The following LDLRAD3 variants were observed in gnomAD, a reference collection of about 807,000 sequenced individuals.
LDLRAD3 encodes low density lipoprotein receptor class A domain containing 3, also known as low-density lipoprotein receptor class A domain-containing protein 3.
In LDLRAD3, 20 loss-of-function variants were observed where a neutral mutation model predicts 29.4. The ratio of observed to expected loss-of-function variants is 0.68; its 90% CI spans 0.48 to 0.99. The LOEUF (loss-of-function observed/expected upper bound fraction) is 0.99, where lower values mean the gene tolerates loss of function less well. Ranked by LOEUF, LDLRAD3 falls within the 50% of genes least tolerant of loss-of-function variation. LDLRAD3 has a pLI of 0.00. For synonymous variants in LDLRAD3, 157 were observed against 192.7 expected (o/e 0.81, Z 1.53); for missense variants, 420 against 454.3 (o/e 0.92, Z 0.69).
At chr11:35,974,944 A>G (rs1186007690) in intron 1 of LDLRAD3, among the ~76,000 whole-genome samples, 26 of 152,116 alleles carry the variant, frequency 1.7e-4, no homozygotes, top group Non-Finnish European at 8.8e-5. Context: ...TGCTTCTGTG[A>G]CCCCACCAAC....
chr11:36,219,085 G>T (rs1238088468), intron 4 of LDLRAD3, among the ~76,000 whole-genome samples: 1 of 152,224 alleles, frequency 6.6e-6, no homozygotes, highest in Non-Finnish European at 1.5e-5. Context: ...AATAAAGTTT[G>T]TCTGGGACAC....
At chr11:36,021,918 G>A (rs1852101221) in intron 1 of LDLRAD3, among the ~76,000 whole-genome samples, 1 of 152,080 alleles carries the variant, frequency 6.6e-6, no homozygotes, top group South Asian at 2.1e-4. Flanking sequence ...TGCAAGTGCT[G>A]AGATTACAGG....
chr11:36,149,932 C>T (rs1055766467), intron 4 of LDLRAD3, among the ~76,000 whole-genome samples: 1 of 152,196 alleles, frequency 6.6e-6, no homozygotes, highest in African/African-American at 2.4e-5. Flanking sequence ...GGCTAAAGCC[C>T]TGGGTCTCTC....
At chr11:35,953,574 G>A (rs527820196) in intron 1 of LDLRAD3, among the ~76,000 whole-genome samples, 1 of 152,298 alleles carries the variant, frequency 6.6e-6, no homozygotes, top group African/African-American at 2.4e-5. Flanking sequence ...CCTTGAATCA[G>A]AGCAGTGTTC....
At position 36,161,371 on chromosome 11, in the gene LDLRAD3, C is replaced by T. The variant is rs562228943; in HGVS notation, c.454+62910C>T. On this transcript the variant is annotated intron_variant, in intron 4 of 5. Transcript: ENST00000315571. Reference sequence around the variant, plus strand: ...GATTTTGTTCCAAGTAGAAATCAGGCTCTGGCAACTGCTTCCTGCTAGCAG... The same window carrying T: ...GATTTTGTTCCAAGTAGAAATCAGGTTCTGGCAACTGCTTCCTGCTAGCAG... 7.9e-5 allele frequency among the ~76,000 whole-genome samples: 12 copies of T among 152,280 alleles called. 1 individual carries two copies. The South Asian group carries it at 2.5e-3, about 32-fold the overall frequency.
At chr11:36,179,201 T>C (rs1854720930) in intron 4 of LDLRAD3, among the ~76,000 whole-genome samples, 2 of 152,162 alleles carry the variant, frequency 1.3e-5, no homozygotes, top group Admixed American at 6.5e-5. Context: ...AGGCCAGGTA[T>C]GGTGGCTCAT....
chr11:36,092,334 G>T (rs1336771967), intron 3 of LDLRAD3, among the ~76,000 whole-genome samples: 6 of 151,950 alleles, frequency 3.9e-5, no homozygotes, highest in Non-Finnish European at 8.8e-5. Flanking sequence ...GCATATATAT[G>T]GGGTACAGGA....
intron 4 of LDLRAD3, among the ~76,000 whole-genome samples, chr11:36,192,780 C>A (rs922458303): frequency 6.6e-6 from 1 of 152,130 alleles, no homozygotes; most frequent in Admixed American, 6.5e-5. Flanking sequence ...GATGGAGACT[C>A]CTTTCCTGAG....
At chr11:36,033,688 G>C (rs959731712) in intron 1 of LDLRAD3, among the ~76,000 whole-genome samples, 1 of 152,168 alleles carries the variant, frequency 6.6e-6, no homozygotes, top group Non-Finnish European at 1.5e-5. Flanking sequence ...GCTGGAATGT[G>C]GGGGTTTTCT....
intron 4 of LDLRAD3, among the ~76,000 whole-genome samples, chr11:36,142,606 G>T (rs546628116): frequency 2.0e-5 from 3 of 152,118 alleles, no homozygotes; most frequent in African/African-American, 4.8e-5. Flanking sequence ...CCTGCACTTA[G>T]TCTTAAGCAC....
At chr11:36,215,378 G>A (rs542926322) in intron 4 of LDLRAD3, among the ~76,000 whole-genome samples, 1 of 152,310 alleles carries the variant, frequency 6.6e-6, no homozygotes, top group East Asian at 1.9e-4. Context: ...TTTAGAAGGA[G>A]CACCCTGCAG....
At chr11:36,198,077 T>A (rs34876322) in intron 4 of LDLRAD3, among the ~76,000 whole-genome samples, 43,542 of 151,744 alleles carry the variant, frequency 0.29, 6,328 homozygotes, top group African/African-American at 0.34. Flanking sequence ...AACAGAAGAT[T>A]GTAGTAAATG....
intron 4 of LDLRAD3, among the ~76,000 whole-genome samples, chr11:36,115,943 C>A (rs1006047216): frequency 3.9e-5 from 6 of 152,174 alleles, no homozygotes; most frequent in Admixed American, 6.5e-5. Context: ...TGTATATTAA[C>A]ATATTCATGA....
At chr11:36,053,247 T>C (rs888506423) in intron 2 of LDLRAD3, among the ~76,000 whole-genome samples, 24 of 152,172 alleles carry the variant, frequency 1.6e-4, no homozygotes, top group African/African-American at 4.8e-4. Context: ...TTTTTTTCTT[T>C]CTTTTTTTAA....
At chr11:36,007,209 A>C (rs555059760) in intron 1 of LDLRAD3, among the ~76,000 whole-genome samples, 2 of 152,360 alleles carry the variant, frequency 1.3e-5, no homozygotes, top group Non-Finnish European at 2.9e-5. Flanking sequence ...ATGCACCCGA[A>C]GTAATTAATG....
intron 2 of LDLRAD3, among the ~76,000 whole-genome samples, chr11:36,044,423 A>T (rs777360996): frequency 6.6e-6 from 1 of 152,160 alleles, no homozygotes; most frequent in Non-Finnish European, 1.5e-5. Flanking sequence ...AGTGAATGCT[A>T]GCTGACCCTA....
At chr11:36,149,431 C>A (rs185964456) in intron 4 of LDLRAD3, among the ~76,000 whole-genome samples, 2 of 152,136 alleles carry the variant, frequency 1.3e-5, no homozygotes, top group African/African-American at 4.8e-5. Flanking sequence ...TATGCAGTCG[C>A]TAGAAAGGAT....
rs1187406929 is a variant in LDLRAD3, at chr11:36,231,455, T to C, written c.*2058T>C. On this transcript the variant is annotated 3_prime_UTR_variant, in exon 6 of 6. Coordinates refer to ENST00000315571, the MANE Select transcript of LDLRAD3 (RefSeq NM_174902.4). ...AACTCTGGCTGAACATTTCATCTCCTGTGAGTCAGAAGGGCTTTATTTCTC... is the reference window on the plus strand; with the variant it reads ...AACTCTGGCTGAACATTTCATCTCCCGTGAGTCAGAAGGGCTTTATTTCTC... The C allele has an allele frequency of 6.6e-6, 1 of 152,240 alleles. No homozygotes were observed. The highest frequency in any genetic ancestry group is 1.5e-5 in the Non-Finnish European group (1 of 68,044). 9.4% of individuals were successfully genotyped at this position (152,240 alleles called of 1,614,324 possible).
intron 2 of LDLRAD3, among the ~76,000 whole-genome samples, chr11:36,069,339 C>T (rs1210840295): frequency 6.6e-6 from 1 of 152,228 alleles, no homozygotes; most frequent in Non-Finnish European, 1.5e-5. Context: ...CTTTCTTGTC[C>T]CCAACCATGA....
Sources: allele counts gnomAD v4.1 joint callset (sites outside exome capture counted in the v4.1 genomes callset), GRCh38; gene constraint gnomAD v4.1.1; transcripts MANE v1.5; gene names NCBI Gene and HGNC (gene_info 2026-07-23, HGNC 2026-07-21).